CLPB: variants seen among roughly 807,000 people sequenced by gnomAD.
The protein encoded by CLPB is mitochondrial disaggregase.
CLPB carries 40 observed loss-of-function variants against 78.4 expected under a neutral mutation model. The observed-to-expected ratio is 0.51, with a 90% confidence interval of 0.40 to 0.66. The LOEUF (loss-of-function observed/expected upper bound fraction) is 0.66. Ranked by LOEUF, CLPB falls within the 30% of genes least tolerant of loss-of-function variation. CLPB has a pLI of 0.00. For missense variants in CLPB, 780 were observed against 886.9 expected, an observed-to-expected ratio of 0.88 and a Z score of 1.53; for synonymous variants, 333 against 348.0, an observed-to-expected ratio of 0.96 and a Z score of 0.48.
chr11:72,433,720 A>C (rs1366296803), intron 1 of CLPB, among the ~76,000 whole-genome samples: 1 of 152,096 alleles, frequency 6.6e-6, no homozygotes, highest in African/African-American at 2.4e-5. Flanking sequence ...AAAACACCCC[A>C]TAATTTCCGT....
At position 72,287,677 on chromosome 11, in the gene CLPB, G is replaced by T. The variant is rs1949406045; in HGVS notation, c.*5690C>A. ...TCACCATCTTATGGTGCTCAAAAAG[G>T]ATAAAATTTTAACCACCTTTCCAGT... On this transcript the variant is annotated 3_prime_UTR_variant, in exon 16 of 16. Transcript: ENST00000538039. 6.6e-6 allele frequency: 1 copy of T among 152,188 alleles called. No homozygotes were observed. The highest frequency in any genetic ancestry group is 2.4e-5 in the African/African-American group (1 of 41,440). The allele number at this position is 152,188 out of a possible 1,614,324, so 9.4% of individuals were successfully genotyped here. A position where few individuals can be genotyped will look rare whatever the true frequency, so the allele number is the denominator to read the frequency against.
chr11:72,293,909 A>G, intron 15 of CLPB, 113 bp downstream of exon 15: 1 of 916,112 alleles, frequency 1.1e-6, no homozygotes, highest in Non-Finnish European at 1.7e-6. Context: ...TCTGGGTGTG[A>G]ATATCCAGCA....
intron 2 of CLPB, among the ~76,000 whole-genome samples, chr11:72,425,831 A>G (rs78765459): frequency 4.2e-4 from 64 of 152,158 alleles, no homozygotes; most frequent in South Asian, 3.7e-3. Context: ...ACAAAGTCCA[A>G]CTGATATTTT....
intron 5 of CLPB, among the ~76,000 whole-genome samples, chr11:72,339,816 T>G (rs1022692046): frequency 6.6e-6 from 1 of 152,246 alleles, no homozygotes; most frequent in African/African-American, 2.4e-5. Flanking sequence ...TTAGTTTAGA[T>G]TAAGTCAGAG....
rs1187376812 is a variant in CLPB, at chr11:72,288,160, C to T, written c.*5207G>A. 1 of 152,036 alleles carries T rather than the reference C, an allele frequency of 6.6e-6. No homozygotes were observed. 9.4% of individuals were successfully genotyped at this position (152,036 alleles called of 1,614,324 possible). ...CAATAAACATGTTACACTTTCATTT[C>T]CAAGTCTGGTCTCATGTATTCTAGG... On this transcript the variant is annotated 3_prime_UTR_variant, in exon 16 of 16. Transcript: ENST00000538039.
chr11:72,367,589 T>C (rs925378273), intron 4 of CLPB, among the ~76,000 whole-genome samples: 1 of 152,010 alleles, frequency 6.6e-6, no homozygotes, highest in South Asian at 2.1e-4. Flanking sequence ...ATGGCAACAA[T>C]AGACACCAGG....
intron 7 of CLPB, among the ~76,000 whole-genome samples, chr11:72,315,100 T>G: frequency 1.4e-5 from 2 of 148,122 alleles, no homozygotes; most frequent in African/African-American, 5.0e-5. Flanking sequence ...AGGAAGAGAG[T>G]GGAAAGGCCA....
chr11:72,432,133 A>T (rs1000114225), intron 1 of CLPB, among the ~76,000 whole-genome samples: 43 of 152,110 alleles, frequency 2.8e-4, no homozygotes, highest in African/African-American at 1.0e-3. Context: ...AATTCCAAAG[A>T]CCTTATCCTC....
rs1950669269 is a variant in CLPB at position 72,354,398 on chromosome 11, A to C, written c.775+4482T>G. 7.5e-6 allele frequency: 3 copies of C among 398,424 alleles called. No individual in the cohort carries two copies. In the East Asian group the frequency reaches 1.1e-4, roughly 14 times the overall value. 24.7% of individuals were successfully genotyped at this position (398,424 alleles called of 1,614,324 possible). Reference sequence around the variant, plus strand: ...CAATTCTCTGGAGGAACCTTGGTCAAGAAAAACGGCCATGATTAGAGATAT... The same window carrying C: ...CAATTCTCTGGAGGAACCTTGGTCACGAAAAACGGCCATGATTAGAGATAT... On this transcript the variant is annotated intron_variant, in intron 5 of 15. Transcript: ENST00000538039.
At chr11:72,315,854 C>T (rs1269890598) in intron 7 of CLPB, among the ~76,000 whole-genome samples, 2 of 152,162 alleles carry the variant, frequency 1.3e-5, no homozygotes, top group Non-Finnish European at 2.9e-5. Flanking sequence ...TCTCCTGGAC[C>T]TGCTTCAGTT....
intron 11 of CLPB, among the ~76,000 whole-genome samples, chr11:72,300,857 A>G (rs970179098): frequency 1.3e-5 from 2 of 152,156 alleles, no homozygotes; most frequent in Admixed American, 6.5e-5. Context: ...CGCTCTCTTG[A>G]TGGAGCAGGG....
chr11:72,393,082 G>A (rs1855302260), intron 3 of CLPB, among the ~76,000 whole-genome samples: 2 of 152,216 alleles, frequency 1.3e-5, no homozygotes, highest in African/African-American at 2.4e-5. Flanking sequence ...CTCGAGGAAG[G>A]CATGGCACGT....
intron 14 of CLPB, 98 bp downstream of exon 14, chr11:72,294,227 G>A (rs1052046494): frequency 1.2e-6 from 2 of 1,605,924 alleles, no homozygotes; most frequent in African/African-American, 1.4e-5. Flanking sequence ...ACACCACTGT[G>A]CTCCACCTTT....
intron 5 of CLPB, among the ~76,000 whole-genome samples, chr11:72,341,323 C>T (rs1277462757): frequency 6.6e-6 from 1 of 152,124 alleles, no homozygotes; most frequent in Non-Finnish European, 1.5e-5. Context: ...GAGATCTGGT[C>T]AGGGCCACCA....
intron 9 of CLPB, among the ~76,000 whole-genome samples, chr11:72,304,763 C>A (rs1949716805): frequency 1.3e-5 from 2 of 152,208 alleles, no homozygotes; most frequent in Admixed American, 1.3e-4. Context: ...CATCATCAGA[C>A]TCCAGGCCAG....
At chr11:72,377,577 A>G (rs1565471682) in intron 4 of CLPB, among the ~76,000 whole-genome samples, 1 of 150,708 alleles carries the variant, frequency 6.6e-6, no homozygotes, top group African/African-American at 2.4e-5. Context: ...GCTGTCTGGC[A>G]TAAGAGTTAA....
intron 4 of CLPB, 192 bp from the exon 5 acceptor site, chr11:72,359,200 T>C (rs762582671): frequency 2.7e-6 from 2 of 746,056 alleles, no homozygotes; most frequent in African/African-American, 1.7e-5. Context: ...AGTTCCACAA[T>C]GTTTACTGAC....
At chr11:72,324,550 G>C (rs547638586) in intron 6 of CLPB, among the ~76,000 whole-genome samples, 1 of 152,122 alleles carries the variant, frequency 6.6e-6, no homozygotes, top group African/African-American at 2.4e-5. Context: ...GGGCGACACA[G>C]CAAGACTTCA....
intron 5 of CLPB, among the ~76,000 whole-genome samples, chr11:72,347,788 G>T (rs1372979465): frequency 6.6e-6 from 1 of 152,200 alleles, no homozygotes; most frequent in Non-Finnish European, 1.5e-5. Flanking sequence ...CTAATTAGTT[G>T]ACTTTGAGAT....
Sources: gnomAD v4.1 joint callset for allele counts (sites outside exome capture counted in the v4.1 genomes callset) on GRCh38, gnomAD v4.1.1 for gene constraint, MANE v1.5 for transcripts, NCBI Gene and HGNC (gene_info 2026-07-23, HGNC 2026-07-21) for gene names.